Variants in RBMS2 observed in about 807,000 individuals in gnomAD.
RBMS2 encodes RNA binding motif single stranded interacting protein 2.
Under a neutral mutation model 58.4 loss-of-function variants are expected in RBMS2, and 38 were observed. That is an observed-to-expected ratio of 0.65 (90% CI 0.50 to 0.85). The LOEUF is 0.85. Among genes scored for constraint, RBMS2 ranks in the 40% least tolerant of loss-of-function variants. RBMS2 has a pLI of 0.00. For missense variants in RBMS2, 367 were observed against 503.7 expected (o/e 0.73, Z 2.60); for synonymous variants, 151 against 180.7 (o/e 0.84, Z 1.32).
intron 1 of RBMS2, among the ~76,000 whole-genome samples, chr12:56,535,651 C>A (rs1874651796): frequency 6.6e-6 from 1 of 152,088 alleles, no homozygotes; most frequent in Non-Finnish European, 1.5e-5. Context: ...TCCATTTAGA[C>A]ATTTATTAGA....
intron 9 of RBMS2, among the ~76,000 whole-genome samples, chr12:56,584,117 C>T (rs1162362187): frequency 6.6e-6 from 1 of 152,126 alleles, no homozygotes; most frequent in Non-Finnish European, 1.5e-5. Flanking sequence ...GTGTGGGAAT[C>T]ACTAGTTTTT....
At chr12:56,562,050 C>T (rs1017074422) in intron 1 of RBMS2, among the ~76,000 whole-genome samples, 7 of 152,038 alleles carry the variant, frequency 4.6e-5, no homozygotes, top group Non-Finnish European at 7.4e-5. Flanking sequence ...CCTCATGATC[C>T]GCCTGCCTCG....
intron 1 of RBMS2, among the ~76,000 whole-genome samples, chr12:56,538,672 C>G (rs2939311): frequency 0.61 from 91,292 of 150,744 alleles, 28,060 homozygotes; most frequent in East Asian, 0.72. Flanking sequence ...AGTAGAGATA[C>G]GGTTTCACCA....
At chr12:56,572,285 T>C (rs1882425505) in intron 5 of RBMS2, among the ~76,000 whole-genome samples, 1 of 122,998 alleles carries the variant, frequency 8.1e-6, no homozygotes, top group Admixed American at 8.7e-5. Flanking sequence ...TGAGACTCTG[T>C]CTCAAAAAAA....
At chr12:56,559,270 T>C (rs1255989628) in intron 1 of RBMS2, among the ~76,000 whole-genome samples, 2 of 151,810 alleles carry the variant, frequency 1.3e-5, no homozygotes, top group Non-Finnish European at 2.9e-5. Context: ...AGCTCTGCTC[T>C]GCCTCCTGGG....
At chr12:56,581,958 C>T (rs1417038274) in intron 8 of RBMS2, 79 bp downstream of exon 8, 15 of 1,584,658 alleles carry the variant, frequency 9.5e-6, no homozygotes, top group Non-Finnish European at 1.2e-5. Context: ...TCTTGATTCT[C>T]TCTATTTGAA....
At chr12:56,553,452 C>G (rs189178740) in intron 1 of RBMS2, among the ~76,000 whole-genome samples, 1 of 152,004 alleles carries the variant, frequency 6.6e-6, no homozygotes, top group Non-Finnish European at 1.5e-5. Flanking sequence ...CCTTAGCCTC[C>G]CCAGTACTAA....
chr12:56,521,502 GTT>G (rs68129205), upstream of RBMS2, among the ~76,000 whole-genome samples: 689 of 73,126 alleles, frequency 9.4e-3, 2 homozygotes, highest in African/African-American at 0.03. Context: ...CTCTAACTCT[GTT>G]TTTTTTTTTT....
At chr12:56,527,051 G>A (rs1276335783) in intron 1 of RBMS2, among the ~76,000 whole-genome samples, 4 of 152,142 alleles carry the variant, frequency 2.6e-5, no homozygotes, top group Non-Finnish European at 4.4e-5. Flanking sequence ...TGACTGGTGG[G>A]TACTGCCAGA....
At chr12:56,524,156 G>A (rs999621405) in intron 1 of RBMS2, among the ~76,000 whole-genome samples, 1 of 152,176 alleles carries the variant, frequency 6.6e-6, no homozygotes, top group South Asian at 2.1e-4. Context: ...TAGTATAGGG[G>A]ACAAGAGGTA....
In RBMS2 at chr12:56,588,949, G is replaced by C; in HGVS notation, c.1161G>C (p.Gln387His). Reference sequence around the variant, plus strand: ...TGGCACAGGAGAGCAGCGGCCAACAGAACCAAGTGGCAGTGGACGCACCCT... The same window carrying C: ...TGGCACAGGAGAGCAGCGGCCAACACAACCAAGTGGCAGTGGACGCACCCT... The part of the protein sequence containing the change: ...SVSVEESSGQ[Q>H]NQVAVDAPSE... Residue 387 changes from glutamine to histidine, a missense_variant, in exon 13 of 14, where the codon CAG becomes CAC. Around this residue, in one of 3 missense-constraint regions of RBMS2, gnomAD observed 220 missense variants for 261.1 expected, o/e 0.84. Transcript: ENST00000262031. The C allele has an allele frequency of 1.9e-6, 3 of 1,614,202 alleles. No individual in the cohort carries two copies. Among genetic ancestry groups the C allele is most frequent in the Admixed American group, 1.7e-5 (1 of 60,022 alleles).
At chr12:56,574,384 C>T (rs926008488) in intron 5 of RBMS2, among the ~76,000 whole-genome samples, 10 of 152,286 alleles carry the variant, frequency 6.6e-5, no homozygotes, top group African/African-American at 1.4e-4. Flanking sequence ...TTTCCTGTTA[C>T]GTATTGGTTT....
At chr12:56,539,930 T>C (rs1875763752) in intron 1 of RBMS2, among the ~76,000 whole-genome samples, 1 of 152,182 alleles carries the variant, frequency 6.6e-6, no homozygotes, top group South Asian at 2.1e-4. Context: ...ACCTTATAGC[T>C]TTTAACCGTG....
intron 12 of RBMS2, 179 bp downstream of exon 12, chr12:56,588,553 A>G: frequency 3.2e-6 from 2 of 632,266 alleles, no homozygotes; most frequent in Non-Finnish European, 5.6e-6. Context: ...TAAAATTGGA[A>G]CAATACAGAG....
intron 1 of RBMS2, among the ~76,000 whole-genome samples, chr12:56,561,387 G>A (rs1314751721): frequency 6.6e-6 from 1 of 152,156 alleles, no homozygotes; most frequent in Non-Finnish European, 1.5e-5. Flanking sequence ...CACCAACAGT[G>A]TATAAGTGTT....
intron 2 of RBMS2, among the ~76,000 whole-genome samples, chr12:56,562,814 G>C (rs1880666152): frequency 6.6e-6 from 1 of 152,150 alleles, no homozygotes; most frequent in South Asian, 2.1e-4. Context: ...TTTCTCAGCA[G>C]CCTCTTAAAA....
At chr12:56,575,470 C>T (rs570253620) in intron 5 of RBMS2, among the ~76,000 whole-genome samples, 57 of 152,034 alleles carry the variant, frequency 3.7e-4, no homozygotes, top group African/African-American at 1.3e-3. Context: ...ATGGGTAGGG[C>T]TGGAGGCAGA....
chr12:56,587,192 G>C (rs564363257), intron 10 of RBMS2, among the ~76,000 whole-genome samples: 1 of 151,718 alleles, frequency 6.6e-6, no homozygotes, highest in Admixed American at 6.6e-5. Flanking sequence ...GCTTAAATTC[G>C]GGAGGCAGAG....
chr12:56,571,898 A>G, intron 5 of RBMS2, 43 bp downstream of exon 5: 2 of 1,435,058 alleles, frequency 1.4e-6, no homozygotes, highest in Non-Finnish European at 1.8e-6. Context: ...TTAATAACAA[A>G]TGTCACTTGG....
Sources: gnomAD v4.1 joint callset for allele counts (sites outside exome capture counted in the v4.1 genomes callset) on GRCh38, gnomAD v4.1.1 for gene constraint, gnomAD v4.1.1 regional missense constraint, MANE v1.5 for transcripts, NCBI Gene and HGNC (gene_info 2026-07-23, HGNC 2026-07-21) for gene names.